The following TASP1 variants were observed in gnomAD, a reference collection of about 807,000 sequenced individuals.
TASP1 encodes taspase 1.
Under a neutral mutation model 56.6 loss-of-function variants are expected in TASP1, and 16 were observed. The observed-to-expected ratio is 0.28, with a 90% CI of 0.19 to 0.43. The LOEUF (loss-of-function observed/expected upper bound fraction) is 0.43. TASP1 is among the 20% of genes least tolerant of loss of function. The pLI is 1.00. For synonymous variants in TASP1, 179 were observed against 184.2 expected (o/e 0.97, Z 0.23); for missense variants, 393 against 511.6 (o/e 0.77, Z 2.24).
the TASP1 span, chr20:13,153,851 G>A: frequency 9.8e-7 from 1 of 1,015,992 alleles, no homozygotes; most frequent in Non-Finnish European, 1.4e-6. Context: ...GCCCACACCT[G>A]CTCCCCAGGA....
At chr20:13,197,968 T>A in the TASP1 span, among the ~76,000 whole-genome samples, 1 of 152,216 alleles carries the variant, frequency 6.6e-6, no homozygotes, top group Non-Finnish European at 1.5e-5. Flanking sequence ...CTATAATAAT[T>A]AGGCCTTTCC....
chr20:13,508,185 A>C (rs532820098), intron 10 of TASP1, among the ~76,000 whole-genome samples: 1 of 143,668 alleles, frequency 7.0e-6, no homozygotes, highest in South Asian at 2.1e-4. Flanking sequence ...AATGTGTTGG[A>C]AATGATTTTT....
the TASP1 span, among the ~76,000 whole-genome samples, chr20:13,141,878 T>G: frequency 6.6e-6 from 1 of 152,186 alleles, no homozygotes; most frequent in African/African-American, 2.4e-5. Context: ...CCTGGTCTTT[T>G]TGTGTGTGTG....
chr20:13,217,439 T>C, the TASP1 span, among the ~76,000 whole-genome samples: 2 of 151,902 alleles, frequency 1.3e-5, no homozygotes, highest in Non-Finnish European at 2.9e-5. Context: ...AACAATAAAA[T>C]CCTAGTCATA....
intron 12 of TASP1, among the ~76,000 whole-genome samples, chr20:13,431,720 T>C (rs894956176): frequency 6.6e-6 from 1 of 152,200 alleles, no homozygotes; most frequent in Non-Finnish European, 1.5e-5. Context: ...AGTATTAAGA[T>C]GTGGGACCCT....
intron 3 of TASP1, among the ~76,000 whole-genome samples, chr20:13,624,241 TAA>T (rs1220886103): frequency 6.6e-6 from 1 of 152,120 alleles, no homozygotes; most frequent in Non-Finnish European, 1.5e-5. Context: ...TTGTAAATAT[TAA>T]AGAGGCTAAG....
At chr20:13,277,637 C>T in the TASP1 span, among the ~76,000 whole-genome samples, 1 of 137,252 alleles carries the variant, frequency 7.3e-6, no homozygotes, top group Non-Finnish European at 1.5e-5. Flanking sequence ...TTTCTTCCCC[C>T]CTACCCTTTT....
At chr20:13,512,960 T>C (rs1029090913) in intron 10 of TASP1, among the ~76,000 whole-genome samples, 2 of 152,196 alleles carry the variant, frequency 1.3e-5, no homozygotes, top group African/African-American at 4.8e-5. Context: ...CATTGGTCTA[T>C]ATCTCTGTTT....
the TASP1 span, among the ~76,000 whole-genome samples, chr20:13,164,061 C>T: frequency 9.4e-4 from 143 of 152,230 alleles, no homozygotes; most frequent in African/African-American, 3.3e-3. Flanking sequence ...CCACTCCCCC[C>T]ATCCCACAAC....
chr20:13,111,685 T>C, the TASP1 span, among the ~76,000 whole-genome samples: 1 of 152,152 alleles, frequency 6.6e-6, no homozygotes, highest in African/African-American at 2.4e-5. Context: ...ATAGCCCTTA[T>C]CTAAACACCT....
the TASP1 span, among the ~76,000 whole-genome samples, chr20:13,292,111 C>A: frequency 6.6e-6 from 1 of 152,184 alleles, no homozygotes; most frequent in Non-Finnish European, 1.5e-5. Context: ...AAACCCCATC[C>A]CTGGGCTCAG....
chr20:13,427,403 TA>T, intron 12 of TASP1, among the ~76,000 whole-genome samples: 1 of 152,338 alleles, frequency 6.6e-6, no homozygotes, highest in African/African-American at 2.4e-5. Context: ...TTGGCCACAG[TA>T]AAACAGTTTG....
At chr20:13,202,410 A>G in the TASP1 span, among the ~76,000 whole-genome samples, 1 of 152,234 alleles carries the variant, frequency 6.6e-6, no homozygotes, top group African/African-American at 2.4e-5. Flanking sequence ...TTGTAATATC[A>G]TATCTTTAAT....
At chr20:13,260,434 A>G in the TASP1 span, among the ~76,000 whole-genome samples, 6 of 152,210 alleles carry the variant, frequency 3.9e-5, no homozygotes, top group African/African-American at 1.4e-4. Flanking sequence ...GAATTTTCCA[A>G]CAGGTTTTAC....
the TASP1 span, among the ~76,000 whole-genome samples, chr20:13,215,573 G>C: frequency 1.3e-5 from 2 of 152,204 alleles, no homozygotes; most frequent in South Asian, 2.1e-4. Flanking sequence ...ATGCAGTAAA[G>C]GAGTCTGGCA....
At chr20:13,316,982 A>C in the TASP1 span, among the ~76,000 whole-genome samples, 3 of 151,912 alleles carry the variant, frequency 2.0e-5, no homozygotes, top group Non-Finnish European at 4.4e-5. Context: ...ATTGAGAAGG[A>C]AAAAAAGGAA....
chr20:13,599,388 G>C (rs1319095191), intron 4 of TASP1, among the ~76,000 whole-genome samples: 1 of 152,184 alleles, frequency 6.6e-6, no homozygotes, highest in Non-Finnish European at 1.5e-5. Context: ...GGACATGGAA[G>C]AAGCTGGAAA....
chr20:13,311,419 C>A, the TASP1 span, among the ~76,000 whole-genome samples: 2 of 152,176 alleles, frequency 1.3e-5, no homozygotes, highest in African/African-American at 4.8e-5. Context: ...TGTAATCTAG[C>A]AATCCCACTC....
chr20:13,507,832 T>C (rs1262253216), intron 10 of TASP1, among the ~76,000 whole-genome samples: 1 of 152,116 alleles, frequency 6.6e-6, no homozygotes, highest in Non-Finnish European at 1.5e-5. Context: ...TCAAATTATA[T>C]TACAAAGCTA....
Sources: gnomAD v4.1 joint callset for allele counts (sites outside exome capture counted in the v4.1 genomes callset) on GRCh38, gnomAD v4.1.1 for gene constraint, MANE v1.5 for transcripts, NCBI Gene and HGNC (gene_info 2026-07-23, HGNC 2026-07-21) for gene names.